Variants in ATRNL1 observed in about 807,000 individuals in gnomAD.
ATRNL1 encodes attractin like 1.
A neutral mutation model predicts 182.7 loss-of-function variants in ATRNL1; 95 were observed. That is an observed-to-expected ratio of 0.52 (90% CI 0.44 to 0.62). The LOEUF (loss-of-function observed/expected upper bound fraction) is 0.62, where lower values mean the gene tolerates loss of function less well. Ranked by LOEUF, ATRNL1 falls within the 20% of genes least tolerant of loss-of-function variation. ATRNL1 has a pLI of 0.00. For synonymous variants in ATRNL1, 576 were observed against 568.3 expected, an observed-to-expected ratio of 1.01 and a Z score of -0.19; for missense variants, 1,471 against 1,679.5, an observed-to-expected ratio of 0.88 and a Z score of 2.17.
intron 26 of ATRNL1, among the ~76,000 whole-genome samples, chr10:115,695,595 C>A (rs375645237): frequency 1.3e-5 from 2 of 151,708 alleles, no homozygotes; most frequent in East Asian, 3.9e-4. Flanking sequence ...ATGTTGATAA[C>A]CTTATATATT....
chr10:115,559,488 G>A (rs1853562262), intron 26 of ATRNL1, among the ~76,000 whole-genome samples: 1 of 151,516 alleles, frequency 6.6e-6, no homozygotes, highest in Non-Finnish European at 1.5e-5. Context: ...TTACGTTTTG[G>A]TACCATAAGA....
intron 9 of ATRNL1, among the ~76,000 whole-genome samples, chr10:115,236,642 A>T (rs1238121903): frequency 6.6e-6 from 1 of 152,200 alleles, no homozygotes; most frequent in Non-Finnish European, 1.5e-5. Context: ...AGCAGAAAGT[A>T]CAGAATGTTT....
chr10:115,310,739 G>A (rs1375817513), intron 17 of ATRNL1, among the ~76,000 whole-genome samples: 1 of 151,968 alleles, frequency 6.6e-6, no homozygotes, highest in Non-Finnish European at 1.5e-5. Context: ...TCTAGCTAAT[G>A]GTCTATCAAT....
intron 5 of ATRNL1, among the ~76,000 whole-genome samples, chr10:115,159,215 G>T (rs1554882715): frequency 6.6e-6 from 1 of 151,194 alleles, no homozygotes; most frequent in African/African-American, 2.4e-5. Context: ...TTAAACATAG[G>T]AGTTTATGTC....
At position 115,947,963 on chromosome 10, in the gene ATRNL1, G is replaced by A. The variant is rs1284637738; in HGVS notation, c.*3184G>A. 6.6e-6 allele frequency: 1 copy of A among 152,216 alleles called. No individual in the cohort carries two copies. The highest frequency in any genetic ancestry group is 1.5e-5 in the Non-Finnish European group (1 of 68,040). The allele number at this position is 152,216 out of a possible 1,614,324, so 9.4% of individuals were successfully genotyped here. On this transcript the variant is annotated 3_prime_UTR_variant, in exon 29 of 29. Coordinates refer to ENST00000355044, the MANE Select transcript of ATRNL1 (RefSeq NM_207303.4). ...GTGGGACCTTGATGCAGCGTAGCTG[G>A]TATTAACAACCGTGGGGACACCAGG...
intron 25 of ATRNL1, among the ~76,000 whole-genome samples, chr10:115,520,460 C>A (rs948103421): frequency 2.0e-5 from 3 of 152,146 alleles, no homozygotes; most frequent in African/African-American, 7.2e-5. Context: ...TTAAAGCAGA[C>A]AAAGCCAATA....
chr10:115,826,349 G>A (rs536542051), intron 27 of ATRNL1, among the ~76,000 whole-genome samples: 36 of 152,164 alleles, frequency 2.4e-4, no homozygotes, highest in Admixed American at 5.9e-4. Context: ...ATAGCTTGGC[G>A]GGAGGGAGTG....
chr10:115,559,288 T>C (rs1207830967), intron 26 of ATRNL1, among the ~76,000 whole-genome samples: 4 of 152,210 alleles, frequency 2.6e-5, no homozygotes, highest in African/African-American at 9.6e-5. Flanking sequence ...TATTTTTAAA[T>C]TTCCAATTAG....
intron 20 of ATRNL1, among the ~76,000 whole-genome samples, chr10:115,401,072 A>G (rs1341477803): frequency 1.3e-5 from 2 of 152,074 alleles, no homozygotes; most frequent in Non-Finnish European, 2.9e-5. Context: ...TATTAGGTTA[A>G]TGGTTCTTGG....
Position 115,766,002 on chromosome 10 carries a change from A to T in ATRNL1, c.3903+38647A>T, listed in dbSNP as rs79659711. Among the ~76,000 whole-genome samples the T allele has an allele frequency of 6.9e-3, 1,044 of 152,212 alleles. 15 individuals carry two copies. Among genetic ancestry groups the T allele is most frequent in the African/African-American group, 0.024 (985 of 41,530 alleles). Reference sequence around the variant, plus strand: ...CCCCCCCCGGCTCACTAAAGATCTTATCATCATCTAACATACTATGTATTT... The same window carrying T: ...CCCCCCCCGGCTCACTAAAGATCTTTTCATCATCTAACATACTATGTATTT... On this transcript the variant is annotated intron_variant, in intron 27 of 28. Transcript: ENST00000355044.
chr10:115,464,774 G>A (rs1847972785), intron 22 of ATRNL1, among the ~76,000 whole-genome samples: 1 of 151,756 alleles, frequency 6.6e-6, no homozygotes, highest in Admixed American at 6.6e-5. Context: ...GCCTCCTTAA[G>A]GGTACGCTGA....
intron 19 of ATRNL1, among the ~76,000 whole-genome samples, chr10:115,360,373 C>T (rs1159121545): frequency 6.6e-6 from 1 of 151,622 alleles, no homozygotes; most frequent in Non-Finnish European, 1.5e-5. Flanking sequence ...AAAGAAAATA[C>T]AAACAGTTCC....
intron 20 of ATRNL1, among the ~76,000 whole-genome samples, chr10:115,421,218 C>T (rs1845637949): frequency 6.6e-6 from 1 of 152,086 alleles, no homozygotes; most frequent in African/African-American, 2.4e-5. Context: ...ACCCTGATAA[C>T]AAAACCAGAC....
At chr10:115,411,961 A>G (rs1554959999) in intron 20 of ATRNL1, among the ~76,000 whole-genome samples, 1 of 152,184 alleles carries the variant, frequency 6.6e-6, no homozygotes, top group East Asian at 1.9e-4. Flanking sequence ...TCTGGTATTC[A>G]TACCATTGTG....
intron 28 of ATRNL1, among the ~76,000 whole-genome samples, chr10:115,860,115 G>A (rs1249263202): frequency 2.0e-5 from 3 of 152,194 alleles, no homozygotes; most frequent in African/African-American, 2.4e-5. Context: ...AGCTGGGACT[G>A]AAACTGGTCC....
intron 14 of ATRNL1, among the ~76,000 whole-genome samples, chr10:115,282,119 A>G (rs1217633118): frequency 6.8e-6 from 1 of 146,174 alleles, no homozygotes; most frequent in African/African-American, 2.5e-5. Context: ...TATAATTTAT[A>G]TATTTAATAA....
chr10:115,838,534 A>G (rs1950731833), intron 27 of ATRNL1, among the ~76,000 whole-genome samples: 1 of 152,188 alleles, frequency 6.6e-6, no homozygotes, highest in Admixed American at 6.5e-5. Context: ...GCATTTATGT[A>G]AAGAAACAAA....
At chr10:115,483,767 T>G (rs1271618668) in intron 24 of ATRNL1, among the ~76,000 whole-genome samples, 42 of 151,840 alleles carry the variant, frequency 2.8e-4, no homozygotes, top group African/African-American at 9.9e-4. Flanking sequence ...ATTTTACTTA[T>G]GATTTTTAAA....
chr10:115,098,587 G>A (rs976038358), intron 1 of ATRNL1, among the ~76,000 whole-genome samples: 28 of 146,064 alleles, frequency 1.9e-4, no homozygotes, highest in Admixed American at 1.3e-3. Context: ...TCAGCCTCCC[G>A]AGTAGCTGGG....
Sources: gnomAD v4.1 joint callset for allele counts (sites outside exome capture counted in the v4.1 genomes callset) on GRCh38, gnomAD v4.1.1 for gene constraint, MANE v1.5 for transcripts, NCBI Gene and HGNC (gene_info 2026-07-23, HGNC 2026-07-21) for gene names.